Variants in TJP2 observed in about 807,000 individuals in gnomAD.
TJP2 encodes the protein Friedreich ataxia region gene X104 (tight junction protein ZO-2).
In TJP2, 91 loss-of-function variants were observed where a neutral mutation model predicts 133.1. The ratio of observed to expected loss-of-function variants is 0.68; its 90% CI spans 0.58 to 0.81. The LOEUF is 0.81. TJP2 is among the 40% of genes least tolerant of loss of function. TJP2 has a pLI of 0.00. For synonymous variants in TJP2, 592 were observed against 583.4 expected (o/e 1.01, Z -0.21); for missense variants, 1,541 against 1,565.6 (o/e 0.98, Z 0.26).
In TJP2 at chr9:69,227,831, A is replaced by G. The variant is rs1251413228; in HGVS notation, c.1277A>G (p.Tyr426Cys). ...GAGAGACGTCATCAGTATTCTGATT[A>G]TGATTATCATTCCTCAAGTGAGAAG... is the stretch of plus-strand genomic sequence containing the variant. ...PEERRHQYSD[Y>C]DYHSSSEKLK... Residue 426 changes from tyrosine (Y) to cysteine (C), a missense_variant, in exon 8 of 23, where the codon TAT (tyrosine) becomes TGT (cysteine). Tyr to Cys is a radical substitution (Grantham distance 194). Transcript: ENST00000377245. 6 of 1,614,066 alleles carry G rather than the reference A, an allele frequency of 3.7e-6. 1 individual carries two copies. Among genetic ancestry groups the G allele is most frequent in the Non-Finnish European group, 5.1e-6 (6 of 1,179,912 alleles).
intron 1 of TJP2, among the ~76,000 whole-genome samples, chr9:69,186,477 T>C (rs1825868363): frequency 6.6e-6 from 1 of 152,244 alleles, no homozygotes. Flanking sequence ...TAAATGAATG[T>C]GCTAGAAATA....
At chr9:69,169,985 C>T (rs1824590352), upstream of TJP2, among the ~76,000 whole-genome samples, 1 of 152,154 alleles carries the variant, frequency 6.6e-6, no homozygotes, top group African/African-American at 2.4e-5. Flanking sequence ...GGACTACAGG[C>T]ACATGCTACC....
At chr9:69,193,688 T>TA (rs1483922356) in intron 1 of TJP2, among the ~76,000 whole-genome samples, 3 of 149,984 alleles carry the variant, frequency 2.0e-5, no homozygotes, top group African/African-American at 7.4e-5. Flanking sequence ...TTTTTTTTTT[T>TA]TTTATAACTT....
intron 11 of TJP2, among the ~76,000 whole-genome samples, chr9:69,231,970 G>A (rs531218923): frequency 5.9e-5 from 9 of 152,272 alleles, no homozygotes; most frequent in Middle Eastern, 3.4e-3. Flanking sequence ...AAATATTTTC[G>A]TATGTTCAGG....
intron 1 of TJP2, chr9:69,145,558 C>G (rs1587902805): frequency 2.4e-6 from 1 of 422,550 alleles, no homozygotes; most frequent in Admixed American, 4.4e-5. Context: ...GGTCTGCCCC[C>G]CCATCACCAC....
chr9:69,177,881 G>A (rs1825213734), intron 1 of TJP2, among the ~76,000 whole-genome samples: 1 of 152,058 alleles, frequency 6.6e-6, no homozygotes, highest in Admixed American at 6.6e-5. Context: ...TAGTGTGAGA[G>A]GCAGAGTTCC....
At chr9:69,177,876 T>C (rs769763264) in intron 1 of TJP2, among the ~76,000 whole-genome samples, 3 of 152,094 alleles carry the variant, frequency 2.0e-5, no homozygotes, top group Non-Finnish European at 2.9e-5. Flanking sequence ...CATTGTAGTG[T>C]GAGAGGCAGA....
intron 20 of TJP2, 156 bp downstream of exon 20, chr9:69,249,641 G>A: frequency 3.0e-6 from 3 of 985,328 alleles, no homozygotes; most frequent in Non-Finnish European, 3.6e-6. Context: ...TGGCCTGTTG[G>A]GTGAACTCCC....
chr9:69,129,842 C>A (rs1462771889), intron 1 of TJP2, among the ~76,000 whole-genome samples: 3 of 151,654 alleles, frequency 2.0e-5, no homozygotes, highest in Non-Finnish European at 4.4e-5. Context: ...CATGGTGAAA[C>A]CCTGTCTCTA....
At chr9:69,123,208 C>CTAGTTGGTGTGTGATTTTGG (rs1451615587) in intron 1 of TJP2, among the ~76,000 whole-genome samples, 1 of 102,038 alleles carries the variant, frequency 9.8e-6, no homozygotes, top group African/African-American at 3.2e-5. Context: ...CACCAGGACA[C>CTAGTTGGTGTGTGATTTTGG]TCTACAGCCG....
intron 2 of TJP2, among the ~76,000 whole-genome samples, 154 bp downstream of exon 2, chr9:69,212,755 T>C (rs1381658760): frequency 2.6e-5 from 4 of 152,204 alleles, no homozygotes; most frequent in South Asian, 2.1e-4. Context: ...ATTGCTATGT[T>C]AACAAAGATT....
chr9:69,199,211 C>G (rs372122542), intron 1 of TJP2, among the ~76,000 whole-genome samples: 1 of 152,128 alleles, frequency 6.6e-6, no homozygotes, highest in African/African-American at 2.4e-5. Flanking sequence ...GATTTGAGTT[C>G]GTTTGTAAAA....
At chr9:69,138,819 AG>A (rs1212008446) in intron 1 of TJP2, among the ~76,000 whole-genome samples, 1 of 152,224 alleles carries the variant, frequency 6.6e-6, no homozygotes, top group African/African-American at 2.4e-5. Flanking sequence ...TGGGAGACTG[AG>A]GCAGGAGAAT....
At chr9:69,188,818 G>T (rs1826024276) in intron 1 of TJP2, among the ~76,000 whole-genome samples, 1 of 152,062 alleles carries the variant, frequency 6.6e-6, no homozygotes, top group South Asian at 2.1e-4. Flanking sequence ...CAAGTCCATA[G>T]CCTCCAGTTA....
At chr9:69,129,076 AT>A (rs1221150982) in intron 1 of TJP2, among the ~76,000 whole-genome samples, 1 of 152,214 alleles carries the variant, frequency 6.6e-6, no homozygotes, top group Non-Finnish European at 1.5e-5. Context: ...CTTGGGGTTG[AT>A]GGGGAGTACG....
chr9:69,155,445 C>G (rs1039051163), intron 2 of TJP2, among the ~76,000 whole-genome samples: 1 of 152,220 alleles, frequency 6.6e-6, no homozygotes, highest in Non-Finnish European at 1.5e-5. Context: ...ACATCGGTAT[C>G]GCCTGGAGGG....
chr9:69,150,099 G>A (rs1055397469), intron 1 of TJP2, among the ~76,000 whole-genome samples: 1 of 151,880 alleles, frequency 6.6e-6, no homozygotes, highest in Admixed American at 6.6e-5. Context: ...GCAGTGAGCC[G>A]AGATTGTGCC....
chr9:69,153,916 A>AT (rs969396943), intron 2 of TJP2, among the ~76,000 whole-genome samples: 3 of 152,016 alleles, frequency 2.0e-5, no homozygotes, highest in Non-Finnish European at 4.4e-5. Context: ...AGTGATGTGG[A>AT]TTTTTTTCCC....
chr9:69,185,701 G>A (rs900048512), intron 1 of TJP2, among the ~76,000 whole-genome samples: 2 of 151,924 alleles, frequency 1.3e-5, no homozygotes, highest in African/African-American at 4.8e-5. Flanking sequence ...TGATAGATGG[G>A]GTTACTTTTT....
Sources: gnomAD v4.1 joint callset for allele counts (sites outside exome capture counted in the v4.1 genomes callset) on GRCh38, gnomAD v4.1.1 for gene constraint, MANE v1.5 for transcripts, NCBI Gene and HGNC (gene_info 2026-07-23, HGNC 2026-07-21) for gene names.